NFIC: variants seen among roughly 807,000 people sequenced by gnomAD.
NFIC encodes the protein nuclear factor I C.
A neutral mutation model predicts 54.4 loss-of-function variants in NFIC; 12 were observed. The observed-to-expected ratio is 0.22, with a 90% CI of 0.14 to 0.36. The LOEUF (loss-of-function observed/expected upper bound fraction) is 0.36, where lower values mean the gene tolerates loss of function less well. Ranked by LOEUF, NFIC falls within the 10% of genes least tolerant of loss-of-function variation. The pLI, the probability that NFIC is intolerant of heterozygous loss-of-function variation, is 1.00. For synonymous variants in NFIC, 322 were observed against 319.2 expected, an observed-to-expected ratio of 1.01 and a Z score of -0.09; for missense variants, 575 against 718.2, an observed-to-expected ratio of 0.80 and a Z score of 2.28.
chr19:3,432,660 G>A (rs930434098), intron 3 of NFIC, among the ~76,000 whole-genome samples: 2 of 147,350 alleles, frequency 1.4e-5, no homozygotes, highest in Admixed American at 7.1e-5. Flanking sequence ...CCAGGCCTCC[G>A]CTTTCCGCTC....
chr19:3,394,513 T>TCCCCCCCCCCCC (rs1192475558), intron 2 of NFIC, among the ~76,000 whole-genome samples: 8 of 9,014 alleles, frequency 8.9e-4, no homozygotes, highest in African/African-American at 2.7e-3. Flanking sequence ...TTATGATCTT[T>TCCCCCCCCCCCC]TCCCCACCCA....
At chr19:3,448,972 G>T in intron 6 of NFIC, 42 bp from the exon 7 acceptor site, 8 of 1,589,642 alleles carry the variant, frequency 5.0e-6, no homozygotes, top group Non-Finnish European at 6.9e-6. Flanking sequence ...GGCTCATGGG[G>T]TGTGACCAGC....
intron 1 of NFIC, among the ~76,000 whole-genome samples, chr19:3,361,486 C>T (rs1465016769): frequency 4.6e-5 from 7 of 151,976 alleles, no homozygotes; most frequent in South Asian, 4.2e-4. Flanking sequence ...AAATCCCCGC[C>T]GCTCTCCACC....
intron 2 of NFIC, among the ~76,000 whole-genome samples, chr19:3,409,591 G>A (rs1030635581): frequency 2.0e-5 from 3 of 152,268 alleles, no homozygotes; most frequent in Admixed American, 6.5e-5. Flanking sequence ...AGTCACCAAC[G>A]GCGGAAGCTT....
At chr19:3,424,112 C>T (rs1012439257) in intron 2 of NFIC, among the ~76,000 whole-genome samples, 1 of 152,096 alleles carries the variant, frequency 6.6e-6, no homozygotes, top group Non-Finnish European at 1.5e-5. Context: ...GCTGCAACCT[C>T]TGCCTCCCGG....
chr19:3,366,547 TGGGGGGGGC>T (rs2080887888), upstream of NFIC: 14 of 353,476 alleles, frequency 4.0e-5, no homozygotes, highest in South Asian at 8.5e-4. Flanking sequence ...GGGGGGGGGT[TGGGGGGGGC>T]GGGGGGGTGG....
intron 2 of NFIC, among the ~76,000 whole-genome samples, chr19:3,423,395 A>T (rs564963899): frequency 6.6e-6 from 1 of 152,126 alleles, no homozygotes; most frequent in Non-Finnish European, 1.5e-5. Context: ...GACTTGCCTG[A>T]GGTCACACAG....
At chr19:3,384,490 G>A (rs1213728263) in intron 2 of NFIC, among the ~76,000 whole-genome samples, 2 of 151,960 alleles carry the variant, frequency 1.3e-5, no homozygotes, top group African/African-American at 4.8e-5. Context: ...CCAGGTTCAA[G>A]CGATTCTCCT....
Position 3,464,054 on chromosome 19 carries a change from G to A in NFIC, c.*1285G>A, listed in dbSNP as rs2082681672. 1.0e-6 allele frequency: 1 copy of A among 985,156 alleles called. No homozygotes were observed. The highest frequency in any genetic ancestry group is 1.2e-6 in the Non-Finnish European group (1 of 829,924). The allele number at this position is 985,156 out of a possible 1,614,324, so 61.0% of individuals were successfully genotyped here. On this transcript the variant is annotated 3_prime_UTR_variant, in exon 11 of 11. Transcript: ENST00000443272. Reference sequence around the variant, plus strand: ...TCCTGCCCTGCCGGGGCGCGGGGGTGGGCTCTGGGGAAGCCGGTGCGCCCC... The same window carrying A: ...TCCTGCCCTGCCGGGGCGCGGGGGTAGGCTCTGGGGAAGCCGGTGCGCCCC...
At chr19:3,440,579 C>T (rs749230864) in intron 6 of NFIC, among the ~76,000 whole-genome samples, 4 of 152,004 alleles carry the variant, frequency 2.6e-5, no homozygotes, top group Admixed American at 6.6e-5. Flanking sequence ...TACAGGTGCC[C>T]GCCACCACGG....
chr19:3,391,472 A>G (rs1223499084), intron 2 of NFIC, among the ~76,000 whole-genome samples: 2 of 152,006 alleles, frequency 1.3e-5, no homozygotes, highest in Non-Finnish European at 2.9e-5. Context: ...CCAACATGGT[A>G]AAACCCTGTC....
intron 6 of NFIC, among the ~76,000 whole-genome samples, chr19:3,445,042 T>C (rs376443153): frequency 1.3e-5 from 2 of 151,190 alleles, no homozygotes; most frequent in East Asian, 2.0e-4. Context: ...TACACAGATA[T>C]GAACGTGCAT....
intron 6 of NFIC, among the ~76,000 whole-genome samples, chr19:3,439,311 G>C (rs1213515312): frequency 8.7e-6 from 1 of 115,524 alleles, no homozygotes; most frequent in African/African-American, 3.4e-5. Context: ...TCCATCCGGG[G>C]CAACAGAGAA....
chr19:3,384,143 C>T (rs1448599316), intron 2 of NFIC, among the ~76,000 whole-genome samples: 2 of 151,594 alleles, frequency 1.3e-5, no homozygotes, highest in African/African-American at 4.8e-5. Context: ...TAGCCTCGAC[C>T]TCCCAGGCTC....
chr19:3,403,526 G>A (rs2081589620), intron 2 of NFIC, among the ~76,000 whole-genome samples: 1 of 152,178 alleles, frequency 6.6e-6, no homozygotes, highest in Admixed American at 6.6e-5. Context: ...GACTGGCATG[G>A]AGTCTATTCT....
chr19:3,371,105 A>T (rs2081000411), intron 1 of NFIC, among the ~76,000 whole-genome samples: 1 of 152,152 alleles, frequency 6.6e-6, no homozygotes, highest in South Asian at 2.1e-4. Context: ...TGCCAAACCC[A>T]ATATAGTACC....
At chr19:3,378,376 G>A (rs141077347) in intron 1 of NFIC, among the ~76,000 whole-genome samples, 2,232 of 152,180 alleles carry the variant, frequency 0.015, 61 homozygotes, top group African/African-American at 0.051. Context: ...GATTACAGGC[G>A]TTAGCCATAG....
rs1599732707 is a variant in NFIC at position 3,459,856 on chromosome 19, T to C, written c.1510-2896T>C. Among the ~76,000 whole-genome samples the C allele has an allele frequency of 1.3e-5, 2 of 152,294 alleles. No homozygotes were observed. The highest frequency in any genetic ancestry group is 1.3e-4 in the Admixed American group (2 of 15,306). On this transcript the variant is annotated intron_variant, in intron 10 of 10. Transcript: ENST00000443272. This position sits in a 1 kb window ranked among gnomAD's most constrained non-coding sequence, Gnocchi z 4.2. The stretch of plus-strand genomic sequence containing the variant: ...TCCATGGGCTGGCCCAGTGGCTGCC[T>C]GGTTGGAGGGGCTCTGTTGAATGAT...
At chr19:3,433,423 T>A in intron 3 of NFIC, 95 bp from the exon 4 acceptor site, 1 of 1,342,408 alleles carries the variant, frequency 7.4e-7, no homozygotes, top group Non-Finnish European at 1.1e-6. Flanking sequence ...ACGTCCAGGC[T>A]CGGGCCAGCC....
Sources: allele counts gnomAD v4.1 joint callset (sites outside exome capture counted in the v4.1 genomes callset), GRCh38; gene constraint gnomAD v4.1.1; non-coding constraint Gnocchi (gnomAD v3.1); transcripts MANE v1.5; gene names NCBI Gene and HGNC (gene_info 2026-07-23, HGNC 2026-07-21).